SETD1B: variants seen among roughly 807,000 people sequenced by gnomAD.
SETD1B encodes the protein histone-lysine N-methyltransferase SETD1B.
Under a neutral mutation model 148.0 loss-of-function variants are expected in SETD1B, and 7 were observed. The observed-to-expected ratio is 0.05, with a 90% confidence interval of 0.03 to 0.09. The LOEUF is 0.09. Among genes scored for constraint, SETD1B ranks in the 10% least tolerant of loss-of-function variants. The pLI is 1.00. For missense variants in SETD1B, 2,155 were observed against 2,729.9 expected, an observed-to-expected ratio of 0.79 and a Z score of 4.69; for synonymous variants, 1,361 against 1,186.5, an observed-to-expected ratio of 1.15 and a Z score of -3.02.
At chr12:121,793,726 C>G in the SETD1B span, 1 of 1,204,244 alleles carries the variant, frequency 8.3e-7, no homozygotes, top group Non-Finnish European at 1.1e-6. Context: ...GCCCCGCCCA[C>G]TCGGAGCAGC....
chr12:121,793,343 C>G, the SETD1B span: 14 of 1,433,546 alleles, frequency 9.8e-6, no homozygotes, highest in African/African-American at 8.5e-5. Context: ...ATCAGCCCCC[C>G]CTCACCCCGC....
At chr12:121,793,553 G>A in the SETD1B span, 1 of 1,548,964 alleles carries the variant, frequency 6.5e-7, no homozygotes. Flanking sequence ...CGCAGCCGCC[G>A]TCGCCCACGA....
At chr12:121,802,185 C>G (rs920656987), upstream of SETD1B, 6 of 152,136 alleles carry the variant, frequency 3.9e-5, no homozygotes, top group African/African-American at 1.4e-4. Context: ...AAGCATAAAG[C>G]TAGAACCTTA....
Position 121,814,943 on chromosome 12 carries a change from GTGCAGGGCTC to G in SETD1B, c.2715+21_2715+30del. ...GCGGATGGCCAAGGTGGGTGGGTGGGTGCAGGGCTCTGCAGGGTGGCTGTGGAGGGGGGCA... is the reference window on the plus strand; with the variant it reads ...GCGGATGGCCAAGGTGGGTGGGTGGGTGCAGGGTGGCTGTGGAGGGGGGCA... On this transcript the variant is annotated intron_variant, in intron 7 of 16. Coordinates refer to ENST00000604567, the MANE Select transcript of SETD1B (RefSeq NM_001353345.2). 6.5e-7 allele frequency: 1 copy of G among 1,531,068 alleles called. No individual in the cohort carries two copies. The highest frequency in any genetic ancestry group is 8.8e-7 in the Non-Finnish European group (1 of 1,132,918). The allele number at this position is 1,531,068 out of a possible 1,614,324, so 94.8% of individuals were successfully genotyped here.
At chr12:121,813,008 C>T (rs1876114490) in intron 6 of SETD1B, among the ~76,000 whole-genome samples, 1 of 152,120 alleles carries the variant, frequency 6.6e-6, no homozygotes, top group Non-Finnish European at 1.5e-5. Flanking sequence ...CACTCGGCTC[C>T]CTAAAGCCCC....
chr12:121,809,569 C>T (rs1264492129), intron 5 of SETD1B, 34 bp from the exon 6 acceptor site: 4 of 1,504,998 alleles, frequency 2.7e-6, no homozygotes, highest in African/African-American at 1.4e-5. Context: ...TGCATGTTTT[C>T]CCCCAGTGGT....
rs374468869 is a variant in SETD1B at position 121,810,306 on chromosome 12, C to G, written c.1361C>G (p.Pro454Arg). The stretch of plus-strand genomic sequence containing the variant: ...GAGAAGCCAGGCACGCCACCCGGCC[C>G]GCCGCCCCCCGACACCAACAGCATG... ...AKEKPGTPPG[P>R]PPPDTNSMEL... The change falls in exon 6 of 17, where the codon CCG becomes CGG. Residue 454 changes from proline to arginine, a missense_variant. Physicochemically the swap from Pro to Arg is moderately radical, Grantham distance 103. Transcript: ENST00000604567. This position sits in a 1 kb window ranked among gnomAD's most constrained non-coding sequence, Gnocchi z 7.6. 6.5e-7 allele frequency: 1 copy of G among 1,543,050 alleles called. No individual in the cohort carries two copies. Among genetic ancestry groups the G allele is most frequent in the African/African-American group, 1.4e-5 (1 of 73,000 alleles).
In SETD1B at chr12:121,814,457, T is replaced by G; in HGVS notation, c.2242T>G (p.Phe748Val). 3.8e-6 allele frequency: 4 copies of G among 1,056,188 alleles called. No individual in the cohort carries two copies. Among genetic ancestry groups the G allele is most frequent in the Non-Finnish European group, 4.9e-6 (4 of 808,798 alleles). The allele number at this position is 1,056,188 out of a possible 1,614,324, so 65.4% of individuals were successfully genotyped here. Residue 748 changes from phenylalanine (F) to valine (V), a missense_variant, in exon 7 of 17, where the codon TTT (phenylalanine) becomes GTT (valine). This residue lies in a region of SETD1B where 295 missense variants were observed against 303.8 expected (regional missense o/e 0.97). Coordinates refer to ENST00000604567, the MANE Select transcript of SETD1B (RefSeq NM_001353345.2). ...PPPILPPLPP[F>V]PPGLFPVMQV... ...ACCCATCCTGCCACCACTGCCCCCC[T>G]TTCCGCCGGGCCTGTTCCCTGTGAT...
rs746068698 is a variant in SETD1B, at chr12:121,814,667, C to T, written c.2452C>T (p.Arg818Trp). ...CCAGTTTGTCAACCTGCCGCCCTAC[C>T]GGGGCCCCTTCTCCCTGAGCAACTC... ...GLQFVNLPPY[R>W]GPFSLSNSGP... is the part of the protein sequence containing the mutation. The change falls in exon 7 of 17, where the codon CGG becomes TGG. Residue 818 changes from arginine to tryptophan, a missense_variant. Arg to Trp is a moderately radical substitution (Grantham distance 101). Transcript: ENST00000604567. 2.6e-5 allele frequency: 40 copies of T among 1,549,602 alleles called. No individual in the cohort carries two copies. The highest frequency in any genetic ancestry group is 4.8e-5 in the South Asian group (4 of 84,048).
At position 121,831,901 on chromosome 12, in the gene SETD1B, T is replaced by A. The variant is rs1306684852; in HGVS notation, c.*1662T>A. ...TTTGTTGTGTGTTTTTTGTTGTTTTTTTTTTATTCCTTTCCCCCAGGCCCT... is the reference window on the plus strand; with the variant it reads ...TTTGTTGTGTGTTTTTTGTTGTTTTATTTTTATTCCTTTCCCCCAGGCCCT... On this transcript the variant is annotated 3_prime_UTR_variant, in exon 17 of 17. Coordinates refer to ENST00000604567, the MANE Select transcript of SETD1B (RefSeq NM_001353345.2). 2.0e-5 allele frequency: 3 copies of A among 151,774 alleles called. No individual in the cohort carries two copies. Among genetic ancestry groups the A allele is most frequent in the African/African-American group, 7.3e-5 (3 of 41,378 alleles). The allele number at this position is 151,774 out of a possible 1,614,324, so 9.4% of individuals were successfully genotyped here. A position where few individuals can be genotyped will look rare whatever the true frequency, so the allele number is the denominator to read the frequency against.
At chr12:121,825,748 G>T (rs142538397) in intron 13 of SETD1B, among the ~76,000 whole-genome samples, 99 of 152,142 alleles carry the variant, frequency 6.5e-4, no homozygotes, top group African/African-American at 2.3e-3. Context: ...GGGTTCAAAT[G>T]ATTCTCCTGC....
the SETD1B span, among the ~76,000 whole-genome samples, chr12:121,790,410 C>T: frequency 7.9e-5 from 12 of 152,392 alleles, no homozygotes; most frequent in East Asian, 1.2e-3. Flanking sequence ...CCTCTCTCTA[C>T]GTGGCCGCCT....
chr12:121,817,889 G>C lies in SETD1B; in HGVS notation c.3403G>C (p.Gly1135Arg). The C allele has an allele frequency of 3.2e-6, 5 of 1,549,312 alleles. No homozygotes were observed. Among genetic ancestry groups the C allele is most frequent in the Non-Finnish European group, 3.5e-6 (4 of 1,145,778 alleles). Residue 1135 changes from glycine (G) to arginine (R), a missense_variant, in exon 10 of 17, where the codon GGG (glycine) becomes CGG (arginine). Physicochemically the swap from Gly to Arg is moderately radical, Grantham distance 125 (BLOSUM62 -2). Coordinates refer to ENST00000604567, the MANE Select transcript of SETD1B (RefSeq NM_001353345.2). This position sits in a 1 kb window ranked among gnomAD's most constrained non-coding sequence, Gnocchi z 8.1. ...ALSEASEKDE[G>R]DSDEEETVSI... ...GTCAGAGGCGAGTGAGAAGGACGAAGGGGACTCGGATGAAGGTGAGCAGGG... is the reference window on the plus strand; with the variant it reads ...GTCAGAGGCGAGTGAGAAGGACGAACGGGACTCGGATGAAGGTGAGCAGGG...
chr12:121,823,923 G>A (rs1046316820), intron 12 of SETD1B, among the ~76,000 whole-genome samples, 174 bp downstream of exon 12: 2 of 152,128 alleles, frequency 1.3e-5, no homozygotes, highest in Non-Finnish European at 2.9e-5. Context: ...CCAGGCTCCC[G>A]AGTGAATCAT....
intron 10 of SETD1B, among the ~76,000 whole-genome samples, chr12:121,818,905 A>C (rs1014366998): frequency 4.6e-5 from 7 of 151,330 alleles, no homozygotes; most frequent in Non-Finnish European, 7.4e-5. Context: ...AAAAAAAAAA[A>C]AGTGAGCAGT....
Position 121,822,961 on chromosome 12 carries a change from C to G in SETD1B, c.4382C>G (p.Pro1461Arg). 6.5e-7 allele frequency: 1 copy of G among 1,538,490 alleles called. No homozygotes were observed. ...PTGRRDERSG[P>R]LASPVLLETG... ...GGCCGACGCGATGAACGCTCCGGGC[C>G]CCTGGCCTCCCCGGTGCTCCTGGAG... The change falls in exon 12 of 17, where the codon CCC becomes CGC. Residue 1461 changes from proline to arginine, a missense_variant. By Grantham distance (103) the Pro-to-Arg change is moderately radical. Transcript: ENST00000604567.
In SETD1B at chr12:121,817,379, G is replaced by A. The variant is rs570330893; in HGVS notation, c.2987G>A (p.Arg996Gln). Residue 996 changes from arginine to glutamine, a missense_variant, in exon 9 of 17, where the codon CGA becomes CAA. Arg to Gln is a conservative substitution (Grantham distance 43, BLOSUM62 1). This residue lies in a region of SETD1B where 289 missense variants were observed against 423.7 expected (regional missense o/e 0.68). Transcript: ENST00000604567. The surrounding 1 kb of genome is among the most constrained non-coding windows in gnomAD (Gnocchi z 8.1). ...SVDEEDEESE[R>Q]ERDRDMADTP... ...CCCTCCCTTCCTGCAGAGTCCGAGC[G>A]AGAGCGAGACCGGGATATGGCAGAC... The A allele has an allele frequency of 1.8e-5, 28 of 1,526,992 alleles. No homozygotes were observed. The highest frequency in any genetic ancestry group is 8.7e-5 in the South Asian group (7 of 80,664). 94.6% of individuals were successfully genotyped at this position (1,526,992 alleles called of 1,614,324 possible). A position where few individuals can be genotyped will look rare whatever the true frequency, so the allele number is the denominator to read the frequency against.
the SETD1B span, chr12:121,793,767 C>A: frequency 4.1e-6 from 3 of 737,592 alleles, no homozygotes; most frequent in African/African-American, 1.9e-5. Flanking sequence ...TCCCGGCCGA[C>A]CTCCCAGCCT....
chr12:121,822,842 C>T lies in SETD1B; in HGVS notation c.4263C>T (p.Gly1421=). The change falls in exon 12 of 17, where the codon GGC becomes GGT. Residue 1421 remains glycine (G), a synonymous_variant. Coordinates refer to ENST00000604567, the MANE Select transcript of SETD1B (RefSeq NM_001353345.2). The stretch of plus-strand genomic sequence containing the variant: ...CGTCCCCTAGCTTGAGCAGTGGGGG[C>T]CTCCCTCGGACACCTGGCCGGGACT... The part of the protein sequence containing the change: ...PAPSPSLSSG[G]LPRTPGRDFS... The T allele has an allele frequency of 6.7e-7, 1 of 1,490,276 alleles. No homozygotes were observed. Among genetic ancestry groups the T allele is most frequent in the Non-Finnish European group, 9.0e-7 (1 of 1,114,688 alleles). The allele number at this position is 1,490,276 out of a possible 1,614,324, so 92.3% of individuals were successfully genotyped here.
Sources: gnomAD v4.1 joint callset for allele counts (sites outside exome capture counted in the v4.1 genomes callset) on GRCh38, gnomAD v4.1.1 for gene constraint, gnomAD v4.1.1 regional missense constraint, Gnocchi (gnomAD v3.1) non-coding constraint, MANE v1.5 for transcripts, NCBI Gene and HGNC (gene_info 2026-07-23, HGNC 2026-07-21) for gene names.